SLC7A13: variants seen among roughly 807,000 people sequenced by gnomAD.
SLC7A13 encodes the protein X-amino acid transporter 2.
In SLC7A13, 31 loss-of-function variants were observed where a neutral mutation model predicts 32.0. The observed-to-expected ratio is 0.97, with a 90% confidence interval of 0.73 to 1.31. SLC7A13 has a LOEUF of 1.31. SLC7A13 is among the 50% of genes most tolerant of loss of function. The probability of loss-of-function intolerance (pLI) is 0.00; values close to 1 mark genes in which losing one functional copy is unlikely to be tolerated. For missense variants in SLC7A13, 633 were observed against 546.9 expected (o/e 1.16, Z -1.57); for synonymous variants, 232 against 206.9 (o/e 1.12, Z -1.04).
At position 86,222,997 on chromosome 8, in the gene SLC7A13, C is replaced by T. The variant is rs1820329765; in HGVS notation, c.792G>A (p.Leu264=). The change falls in exon 2 of 4, where the codon CTG becomes CTA. Residue 264 remains leucine (L), a synonymous_variant. Coordinates refer to ENST00000297524, the MANE Select transcript of SLC7A13 (RefSeq NM_138817.3). The stretch of plus-strand genomic sequence containing the variant: ...CTGAAGAGAGAATTTCCCTGGGTGT[C>T]AGAACAGTCAGATAGGAAATGTTAA... The part of the protein sequence containing the change: ...LLVNISYLTV[L]TPREILSSDA... The T allele has an allele frequency of 1.2e-6, 2 of 1,606,870 alleles. No homozygotes were observed. Among genetic ancestry groups the T allele is most frequent in the South Asian group, 1.1e-5 (1 of 89,634 alleles).
intron 2 of SLC7A13, 142 bp downstream of exon 2, chr8:86,222,830 G>T (rs1820322236): frequency 1.4e-6 from 1 of 731,496 alleles, no homozygotes. Flanking sequence ...CATTCCCTTT[G>T]GCCCTCTGTT....
rs768499102 is a variant in SLC7A13, at chr8:86,214,621, G to T, written c.1205C>A (p.Thr402Lys). The change falls in exon 4 of 4, where the codon ACA (threonine) becomes AAA (lysine). Residue 402 changes from threonine (T) to lysine (K), a missense_variant. By Grantham distance (78) the Thr-to-Lys change is moderately conservative (BLOSUM62 -1). Coordinates refer to ENST00000297524, the MANE Select transcript of SLC7A13 (RefSeq NM_138817.3). ...AACCAAGCCCACGTCGATGACTATTGTTGCTAATGGAAATGACAAAAACAC... is the reference window on the plus strand; with the variant it reads ...AACCAAGCCCACGTCGATGACTATTTTTGCTAATGGAAATGACAAAAACAC... ...YKVFLSFPLA[T>K]IVIDVGLVVI... is the part of the protein sequence containing the mutation. 1.9e-6 allele frequency: 3 copies of T among 1,607,534 alleles called. No individual in the cohort carries two copies. The highest frequency in any genetic ancestry group is 2.5e-6 in the Non-Finnish European group (3 of 1,177,754).
intron 2 of SLC7A13, among the ~76,000 whole-genome samples, chr8:86,222,350 A>C (rs931841314): frequency 1.3e-5 from 2 of 151,816 alleles, no homozygotes; most frequent in African/African-American, 4.8e-5. Flanking sequence ...TTGATCTGTT[A>C]CTCATTTTTC....
At chr8:86,215,725 T>C (rs1408335479) in intron 3 of SLC7A13, 2 of 434,052 alleles carry the variant, frequency 4.6e-6, no homozygotes, top group Non-Finnish European at 9.1e-6. Flanking sequence ...GAATCTCTTC[T>C]TAGCTTATAA....
chr8:86,217,833 T>G lies in SLC7A13; in HGVS notation c.818-2A>C, dbSNP rs758640165. The G allele has an allele frequency of 5.0e-5, 75 of 1,510,170 alleles. No individual in the cohort carries two copies. Among genetic ancestry groups the G allele is most frequent in the Non-Finnish European group, 6.3e-5 (71 of 1,132,360 alleles). The allele number at this position is 1,510,170 out of a possible 1,614,324, so 93.5% of individuals were successfully genotyped here. A position where few individuals can be genotyped will look rare whatever the true frequency, so the allele number is the denominator to read the frequency against. Reference sequence around the variant, plus strand: ...CAGCCCATGTGATAGCTACAGCATCTGCAGAAAAACAAAAATACACAAAAG... The same window carrying G: ...CAGCCCATGTGATAGCTACAGCATCGGCAGAAAAACAAAAATACACAAAAG... On this transcript the variant is annotated splice_acceptor_variant, in intron 2 of 3. Coordinates refer to ENST00000297524, the MANE Select transcript of SLC7A13 (RefSeq NM_138817.3). LOFTEE classifies it high-confidence loss of function.
intron 3 of SLC7A13, chr8:86,215,466 T>G: frequency 4.3e-6 from 1 of 231,254 alleles, no homozygotes. Context: ...GGTGGATGGA[T>G]CACGAGATCA....
rs1329122105 is a variant in SLC7A13 at position 86,214,587 on chromosome 8, T to C, written c.1239A>G (p.Pro413=). The C allele has an allele frequency of 6.2e-7, 1 of 1,613,768 alleles. No individual in the cohort carries two copies. The highest frequency in any genetic ancestry group is 1.7e-5 in the Admixed American group (1 of 59,994). The stretch of plus-strand genomic sequence containing the variant: ...AATGCACATTTGGAGACTTTACCAA[T>C]GGTATCACAACCAAGCCCACGTCGA... ...IVIDVGLVVI[P]LVKSPNVHYV... is the part of the protein sequence containing the mutation. The change falls in exon 4 of 4, where the codon CCA becomes CCG. Residue 413 remains proline, a synonymous_variant. Transcript: ENST00000297524.
At chr8:86,222,500 A>G (rs978215413) in intron 2 of SLC7A13, among the ~76,000 whole-genome samples, 1 of 152,098 alleles carries the variant, frequency 6.6e-6, no homozygotes, top group African/African-American at 2.4e-5. Flanking sequence ...TTCATGGTAA[A>G]CCGTATTATT....
At position 86,214,384 on chromosome 8, in the gene SLC7A13, A is replaced by G. The variant is rs756123897; in HGVS notation, c.*29T>C. On this transcript the variant is annotated 3_prime_UTR_variant, in exon 4 of 4. Transcript: ENST00000297524. The stretch of plus-strand genomic sequence containing the variant: ...TCTGATATATGTTTTTTAGAAGGCC[A>G]ATTTTTTAAGAGTTTGCACTTCCGA... 10 of 1,447,372 alleles carry G rather than the reference A, an allele frequency of 6.9e-6. No individual in the cohort carries two copies. The South Asian group carries it at 1.2e-4, about 18-fold the overall frequency. 89.7% of individuals were successfully genotyped at this position (1,447,372 alleles called of 1,614,324 possible). A position where few individuals can be genotyped will look rare whatever the true frequency, so the allele number is the denominator to read the frequency against.
intron 3 of SLC7A13, chr8:86,215,641 A>G (rs1358836511): frequency 4.6e-6 from 2 of 436,096 alleles, no homozygotes; most frequent in Non-Finnish European, 9.1e-6. Context: ...AGCCAAGATC[A>G]TGCCACTGCA....
In SLC7A13 at chr8:86,220,457, C is replaced by T. The variant is rs969470147; in HGVS notation, c.817+2515G>A. Among the ~76,000 whole-genome samples the T allele has an allele frequency of 9.2e-5, 14 of 152,228 alleles. No individual in the cohort carries two copies. The East Asian group carries it at 2.3e-3, about 25-fold the overall frequency. On this transcript the variant is annotated intron_variant, in intron 2 of 3. Transcript: ENST00000297524. Reference sequence around the variant, plus strand: ...AAATAGGTGAAGAAACAAGTCAGAGCTCTGACACGGACACAGACAAAAACA... The same window carrying T: ...AAATAGGTGAAGAAACAAGTCAGAGTTCTGACACGGACACAGACAAAAACA...
At chr8:86,218,584 A>G (rs1023024122) in intron 2 of SLC7A13, among the ~76,000 whole-genome samples, 3 of 152,160 alleles carry the variant, frequency 2.0e-5, no homozygotes, top group African/African-American at 7.2e-5. Context: ...ATTCTCTACA[A>G]CAAAAAATTA....
intron 1 of SLC7A13, among the ~76,000 whole-genome samples, chr8:86,227,287 T>A (rs1300065476): frequency 6.6e-6 from 1 of 152,088 alleles, no homozygotes; most frequent in African/African-American, 2.4e-5. Context: ...AAGAGTCTGA[T>A]ACATATATAA....
At position 86,214,693 on chromosome 8, in the gene SLC7A13, AATG is replaced by A. The variant is rs755290623; in HGVS notation, c.1180-50_1180-48del. ...AAAATATTGGATATGAACATCCATG[AATG>A]ATACCTGCATATTCATATAAATAAA... On this transcript the variant is annotated intron_variant, in intron 3 of 3. Transcript: ENST00000297524. The A allele has an allele frequency of 3.0e-6, 4 of 1,313,644 alleles. No homozygotes were observed. The East Asian group carries it at 9.5e-5, about 31-fold the overall frequency. The allele number at this position is 1,313,644 out of a possible 1,614,324, so 81.4% of individuals were successfully genotyped here.
intron 2 of SLC7A13, among the ~76,000 whole-genome samples, chr8:86,218,680 A>G (rs1247343200): frequency 6.6e-6 from 1 of 151,986 alleles, no homozygotes; most frequent in African/African-American, 2.4e-5. Flanking sequence ...CTTAAAGATA[A>G]AAGATCTTAT....
At chr8:86,219,887 A>G (rs1403396891) in intron 2 of SLC7A13, among the ~76,000 whole-genome samples, 1 of 152,146 alleles carries the variant, frequency 6.6e-6, no homozygotes, top group Non-Finnish European at 1.5e-5. Context: ...TCCTTAGAGT[A>G]AATTCTTAGA....
In SLC7A13 at chr8:86,229,691, G is replaced by T. The variant is rs1280052179; in HGVS notation, c.587C>A (p.Ala196Asp). ...KKENVERFQN[A>D]FDAELPDISH... ...GATATCTGGAAGTTCAGCATCAAAA[G>T]CATTCTGAAATCGTTCTACATTCTC... The change falls in exon 1 of 4, where the codon GCT becomes GAT. Residue 196 changes from alanine (A) to aspartate (D), a missense_variant. Ala to Asp is a moderately radical substitution (Grantham distance 126, BLOSUM62 -2). Transcript: ENST00000297524. The T allele has an allele frequency of 1.2e-6, 2 of 1,614,024 alleles. No homozygotes were observed. The highest frequency in any genetic ancestry group is 2.7e-5 in the African/African-American group (2 of 74,916).
At chr8:86,226,723 G>A (rs2976187) in intron 1 of SLC7A13, among the ~76,000 whole-genome samples, 69,053 of 151,800 alleles carry the variant, frequency 0.45, 16,415 homozygotes, top group South Asian at 0.59. Flanking sequence ...CTTAATAATC[G>A]TATCTAATAC....
Position 86,214,402 on chromosome 8 carries a change from A to T in SLC7A13, c.*11T>A. ...GAAGGCCAATTTTTTAAGAGTTTGCACTTCCGACATCTATTCCTCAGACAC... is the reference window on the plus strand; with the variant it reads ...GAAGGCCAATTTTTTAAGAGTTTGCTCTTCCGACATCTATTCCTCAGACAC... On this transcript the variant is annotated 3_prime_UTR_variant, in exon 4 of 4. Transcript: ENST00000297524. 1 of 1,515,376 alleles carries T rather than the reference A, an allele frequency of 6.6e-7. No homozygotes were observed. The highest frequency in any genetic ancestry group is 8.9e-7 in the Non-Finnish European group (1 of 1,118,700). The allele number at this position is 1,515,376 out of a possible 1,614,324, so 93.9% of individuals were successfully genotyped here.
Sources: allele counts gnomAD v4.1 joint callset (sites outside exome capture counted in the v4.1 genomes callset), GRCh38; gene constraint gnomAD v4.1.1; transcripts MANE v1.5; gene names NCBI Gene and HGNC (gene_info 2026-07-23, HGNC 2026-07-21).